The following ZNF782 variants were observed in gnomAD, a reference collection of about 807,000 sequenced individuals.
The protein encoded by ZNF782 is zinc finger protein 782.
A neutral mutation model predicts 13.0 loss-of-function variants in ZNF782; 12 were observed. The ratio of observed to expected loss-of-function variants is 0.92; its 90% CI spans 0.59 to 1.50. ZNF782 has a LOEUF of 1.50. Among genes scored for constraint, ZNF782 ranks in the 40% most tolerant of loss-of-function variants. The probability of loss-of-function intolerance (pLI) is 0.00; values close to 1 mark genes in which losing one functional copy is unlikely to be tolerated. For synonymous variants in ZNF782, 284 were observed against 283.0 expected (o/e 1.00, Z -0.04); for missense variants, 770 against 822.9 (o/e 0.94, Z 0.79).
intron 4 of ZNF782, among the ~76,000 whole-genome samples, chr9:96,829,248 A>G (rs1850724217): frequency 6.6e-6 from 1 of 152,070 alleles, no homozygotes; most frequent in Non-Finnish European, 1.5e-5. Flanking sequence ...AAAAAAGAGG[A>G]TGAAAACAAA....
intron 4 of ZNF782, among the ~76,000 whole-genome samples, chr9:96,836,358 G>T (rs372968112): frequency 6.6e-6 from 1 of 151,934 alleles, no homozygotes; most frequent in Non-Finnish European, 1.5e-5. Flanking sequence ...GACTATAGGC[G>T]CATGCCACAT....
At chr9:96,823,330 T>A (rs540035001) in intron 5 of ZNF782, among the ~76,000 whole-genome samples, 2 of 152,270 alleles carry the variant, frequency 1.3e-5, no homozygotes, top group Non-Finnish European at 2.9e-5. Flanking sequence ...GGCTCTGGTA[T>A]GAAATCAAAG....
At chr9:96,925,122 C>T in the ZNF782 span, among the ~76,000 whole-genome samples, 5 of 152,318 alleles carry the variant, frequency 3.3e-5, no homozygotes, top group African/African-American at 1.2e-4. Context: ...CTCCCTGCCC[C>T]GAACCACCGG....
At chr9:96,876,943 C>CAAAAAAAAAAAAAAAAAAAAA (rs398011569), upstream of ZNF782, among the ~76,000 whole-genome samples, 37 of 42,818 alleles carry the variant, frequency 8.6e-4, no homozygotes, top group East Asian at 3.4e-3. Context: ...AACTCCGACT[C>CAAAAAAAAAAAAAAAAAAAAA]AAAAAAAAAA....
Position 96,826,009 on chromosome 9 carries a change from G to C in ZNF782, c.244+1071C>G, listed in dbSNP as rs1369517383. Among the ~76,000 whole-genome samples the C allele has an allele frequency of 2.6e-5, 4 of 152,264 alleles. No individual in the cohort carries two copies. In the East Asian group the frequency reaches 7.7e-4, roughly 29 times the overall value. Reference sequence around the variant, plus strand: ...AGTGTGGCAATTCCTCAGGGATCTAGAACTAGAAATACCATTTGAGCCAGC... The same window carrying C: ...AGTGTGGCAATTCCTCAGGGATCTACAACTAGAAATACCATTTGAGCCAGC... On this transcript the variant is annotated intron_variant, in intron 5 of 5. Coordinates refer to ENST00000481138, the MANE Select transcript of ZNF782 (RefSeq NM_001001662.3).
upstream of ZNF782, among the ~76,000 whole-genome samples, chr9:96,857,629 G>A (rs58209789): frequency 5.2e-3 from 799 of 152,322 alleles, 8 homozygotes; most frequent in African/African-American, 0.017. Context: ...GCTGTGGAGC[G>A]ATGACCATGA....
chr9:96,821,512 A>G (rs1400852668), intron 5 of ZNF782, among the ~76,000 whole-genome samples: 1 of 152,184 alleles, frequency 6.6e-6, no homozygotes, highest in Non-Finnish European at 1.5e-5. Flanking sequence ...TATTCATTTT[A>G]ACAAGGAATA....
chr9:96,822,348 T>A (rs1850451058), intron 5 of ZNF782, among the ~76,000 whole-genome samples: 1 of 152,256 alleles, frequency 6.6e-6, no homozygotes. Flanking sequence ...CCATTCTTTT[T>A]AGTGGGTTAT....
chr9:96,925,506 C>T, the ZNF782 span, among the ~76,000 whole-genome samples: 6 of 151,848 alleles, frequency 4.0e-5, no homozygotes, highest in African/African-American at 4.8e-5. Context: ...GGCGTGGTGG[C>T]GCGCACTTGT....
At chr9:96,827,703 G>A (rs551028024) in intron 4 of ZNF782, among the ~76,000 whole-genome samples, 143 of 152,304 alleles carry the variant, frequency 9.4e-4, no homozygotes, top group Non-Finnish European at 1.6e-3. Flanking sequence ...CTTGGTTATT[G>A]AGGAAGAGAT....
chr9:96,901,613 G>A, the ZNF782 span, among the ~76,000 whole-genome samples: 13 of 151,768 alleles, frequency 8.6e-5, no homozygotes, highest in Non-Finnish European at 1.8e-4. Flanking sequence ...GGTTCCTAGG[G>A]CTGGTTATTG....
chr9:96,928,761 C>A, the ZNF782 span: 1 of 461,904 alleles, frequency 2.2e-6, no homozygotes, highest in Non-Finnish European at 3.6e-6. Flanking sequence ...ACCAACTGAA[C>A]CAAGGGAACC....
Position 96,867,472 on chromosome 9 carries a change from TATGCTTTATCAGCATAA to T in ZNF782, c.-456-5886_-456-5870del, listed in dbSNP as rs368923230. 8.4e-3 allele frequency among the ~76,000 whole-genome samples: 1,284 copies of T among 152,348 alleles called. 18 individuals carry two copies. Among genetic ancestry groups the T allele is most frequent in the African/African-American group, 0.027 (1,125 of 41,568 alleles). ...TGTAAATTGCCCTGTCTCGGGTATT[TATGCTTTATCAGCATAA>T]ATGCTTTATCAGCAGCATGAAAACA... On this transcript the variant is annotated intron_variant, in intron 1 of 5. Coordinates refer to the ZNF782 transcript ENST00000498811.
the ZNF782 span, among the ~76,000 whole-genome samples, chr9:96,897,307 A>G: frequency 6.6e-6 from 1 of 152,108 alleles, no homozygotes; most frequent in Non-Finnish European, 1.5e-5. Context: ...GGCTCTTTTC[A>G]TATCATCTCC....
At chr9:96,912,203 A>G in the ZNF782 span, among the ~76,000 whole-genome samples, 2 of 148,732 alleles carry the variant, frequency 1.3e-5, no homozygotes, top group East Asian at 3.9e-4. Context: ...GTCTCGAAAA[A>G]AAAAAAAAAA....
chr9:96,859,176 TTAA>T (rs1250033062), upstream of ZNF782, among the ~76,000 whole-genome samples: 2 of 152,220 alleles, frequency 1.3e-5, no homozygotes, highest in African/African-American at 4.8e-5. Context: ...CTCGGGGTCC[TTAA>T]TAAACCTGAA....
chr9:96,885,680 A>C, the ZNF782 span, among the ~76,000 whole-genome samples: 1 of 152,106 alleles, frequency 6.6e-6, no homozygotes, highest in South Asian at 2.1e-4. Context: ...CATTGATGCC[A>C]AGACACATAA....
upstream of ZNF782, among the ~76,000 whole-genome samples, chr9:96,855,141 T>TA (rs1217152379): frequency 1.3e-5 from 2 of 152,248 alleles, no homozygotes; most frequent in Non-Finnish European, 2.9e-5. Context: ...TTTTGGTTTT[T>TA]ATCCCTTAAC....
At chr9:96,864,517 A>T (rs1161372899) in intron 1 of ZNF782, among the ~76,000 whole-genome samples, 2 of 152,152 alleles carry the variant, frequency 1.3e-5, no homozygotes, top group East Asian at 3.8e-4. Flanking sequence ...AACAAATGAG[A>T]AAACAACATA....
Sources: gnomAD v4.1 joint callset for allele counts (sites outside exome capture counted in the v4.1 genomes callset) on GRCh38, gnomAD v4.1.1 for gene constraint, MANE v1.5 for transcripts, NCBI Gene and HGNC (gene_info 2026-07-23, HGNC 2026-07-21) for gene names.